IMMT: variants seen among roughly 807,000 people sequenced by gnomAD.
IMMT encodes the protein MICOS complex subunit MIC60.
Under a neutral mutation model 92.7 loss-of-function variants are expected in IMMT, and 40 were observed. The observed-to-expected ratio is 0.43, with a 90% CI of 0.34 to 0.56. IMMT has a LOEUF of 0.56. IMMT is among the 20% of genes least tolerant of loss of function. The pLI is 0.03. For missense variants in IMMT, 831 were observed against 912.1 expected (o/e 0.91, Z 1.14); for synonymous variants, 322 against 336.1 (o/e 0.96, Z 0.46).
Position 86,190,187 on chromosome 2 carries a change from G to A in IMMT, c.45+5151C>T, listed in dbSNP as rs1236402813. Among the ~76,000 whole-genome samples the A allele has an allele frequency of 3.9e-5, 6 of 152,280 alleles. No homozygotes were observed. In the East Asian group the frequency reaches 5.8e-4, roughly 15 times the overall value. ...CATGGGTAGAAGCAAACACCTGGCC[G>A]CATGATCTACTAAACTACTTTCTAG... On this transcript the variant is annotated intron_variant, in intron 1 of 14. Transcript: ENST00000410111.
intron 1 of IMMT, among the ~76,000 whole-genome samples, chr2:86,185,538 T>C (rs1275766991): frequency 1.3e-5 from 2 of 152,120 alleles, no homozygotes; most frequent in African/African-American, 2.4e-5. Context: ...CCAGATTCTA[T>C]TGAATCAATA....
At chr2:86,189,861 T>G (rs1378725930) in intron 1 of IMMT, among the ~76,000 whole-genome samples, 1 of 152,218 alleles carries the variant, frequency 6.6e-6, no homozygotes. Context: ...AAAAATCCAG[T>G]AAGTTTTTAC....
chr2:86,167,723 C>G lies in IMMT; in HGVS notation c.656-1079G>C, dbSNP rs182248632. ...GGTCTCGATCTCCTGACCTCGTGAT[C>G]CATCCACCTCAGCCTCTCAAAGTGC... On this transcript the variant is annotated intron_variant, in intron 6 of 14. Coordinates refer to ENST00000410111, the MANE Select transcript of IMMT (RefSeq NM_006839.3). 5.0e-3 allele frequency among the ~76,000 whole-genome samples: 759 copies of G among 152,028 alleles called. 6 individuals are homozygous for G. The highest frequency in any genetic ancestry group is 0.017 in the African/African-American group (719 of 41,460).
chr2:86,153,265 T>G (rs980125459), intron 11 of IMMT, among the ~76,000 whole-genome samples: 1 of 151,156 alleles, frequency 6.6e-6, no homozygotes, highest in African/African-American at 2.4e-5. Flanking sequence ...TACTTTTTAA[T>G]GTTTGAAATT....
chr2:86,160,807 G>T (rs1239268041), intron 8 of IMMT, among the ~76,000 whole-genome samples: 1 of 152,220 alleles, frequency 6.6e-6, no homozygotes, highest in Non-Finnish European at 1.5e-5. Flanking sequence ...CAGACAGATT[G>T]TGACATACTT....
intron 1 of IMMT, among the ~76,000 whole-genome samples, chr2:86,188,403 A>G (rs980007039): frequency 4.6e-5 from 7 of 151,910 alleles, no homozygotes; most frequent in African/African-American, 1.7e-4. Context: ...ACACACGCGC[A>G]CACACACACG....
chr2:86,160,536 A>G (rs58599175), intron 8 of IMMT, among the ~76,000 whole-genome samples: 1,736 of 152,326 alleles, frequency 0.011, 33 homozygotes, highest in African/African-American at 0.039. Context: ...AATGCCTTAA[A>G]TCTCCTAAAA....
intron 1 of IMMT, chr2:86,194,965 A>G (rs1463994782): frequency 1.2e-5 from 3 of 249,380 alleles, no homozygotes; most frequent in East Asian, 1.6e-4. Context: ...GCTCGTCCTG[A>G]CGGGAACTGT....
rs1046920599 is a variant in IMMT, at chr2:86,192,297, T to G, written c.45+3041A>C. The stretch of plus-strand genomic sequence containing the variant: ...GAGAATCTGAATATATAATCAGAGG[T>G]TTGAAAATCTATGGGATGTTTAAAG... On this transcript the variant is annotated intron_variant, in intron 1 of 14. Coordinates refer to ENST00000410111, the MANE Select transcript of IMMT (RefSeq NM_006839.3). 1.8e-4 allele frequency among the ~76,000 whole-genome samples: 27 copies of G among 151,940 alleles called. 1 individual carries two copies. The highest frequency in any genetic ancestry group is 5.6e-4 in the African/African-American group (23 of 41,348).
At chr2:86,193,504 TAG>T (rs564910694) in intron 1 of IMMT, among the ~76,000 whole-genome samples, 108 of 152,108 alleles carry the variant, frequency 7.1e-4, no homozygotes, top group African/African-American at 2.5e-3. Context: ...ACGACGAGGC[TAG>T]AGAGTCACCT....
At chr2:86,169,164 C>T (rs1676922235) in intron 6 of IMMT, among the ~76,000 whole-genome samples, 1 of 152,030 alleles carries the variant, frequency 6.6e-6, no homozygotes, top group South Asian at 2.1e-4. Context: ...ATGAGAGGAA[C>T]CAGGCAAGGA....
intron 11 of IMMT, 41 bp downstream of exon 11, chr2:86,153,518 CA>C: frequency 7.8e-7 from 1 of 1,274,632 alleles, no homozygotes; most frequent in Non-Finnish European, 1.1e-6. Context: ...TCTTAATACC[CA>C]AAACAAAAGA....
intron 1 of IMMT, among the ~76,000 whole-genome samples, chr2:86,183,814 A>T (rs1028339180): frequency 6.6e-6 from 1 of 152,216 alleles, no homozygotes; most frequent in African/African-American, 2.4e-5. Context: ...TATATTTTAA[A>T]TCACTGTATA....
At chr2:86,167,087 G>C (rs1394521976) in intron 6 of IMMT, among the ~76,000 whole-genome samples, 1 of 142,796 alleles carries the variant, frequency 7.0e-6, no homozygotes, top group Admixed American at 7.0e-5. Context: ...GACAGAGCGA[G>C]ACTCTCTCAA....
intron 1 of IMMT, 140 bp downstream of exon 1, chr2:86,195,198 C>T (rs1487287025): frequency 2.2e-6 from 2 of 900,744 alleles, no homozygotes; most frequent in Non-Finnish European, 3.2e-6. Context: ...GCCTAGCTGC[C>T]CGCCCGGGCC....
At chr2:86,156,210 G>A (rs1675844651) in intron 10 of IMMT, among the ~76,000 whole-genome samples, 1 of 152,146 alleles carries the variant, frequency 6.6e-6, no homozygotes, top group Non-Finnish European at 1.5e-5. Flanking sequence ...TACAGTTGCG[G>A]CAAACAAAAA....
chr2:86,153,428 A>T, intron 11 of IMMT, 132 bp downstream of exon 11: 1 of 523,096 alleles, frequency 1.9e-6, no homozygotes, highest in Non-Finnish European at 3.4e-6. Flanking sequence ...ATTCAGATTT[A>T]TCATGTGACA....
rs907573486 is a variant in IMMT at position 86,144,048 on chromosome 2, A to G, written c.*220T>C. On this transcript the variant is annotated 3_prime_UTR_variant, in exon 15 of 15. Coordinates refer to ENST00000410111, the MANE Select transcript of IMMT (RefSeq NM_006839.3). ...AGCCTCATCAGTAAAACCTGAAAAA[A>G]CAGAAAATGTTACACAAGTTGCAAA... is the stretch of plus-strand genomic sequence containing the variant. 6.7e-6 allele frequency: 4 copies of G among 601,018 alleles called. No homozygotes were observed. In the African/African-American group the frequency reaches 7.4e-5, roughly 11 times the overall value. 37.2% of individuals were successfully genotyped at this position (601,018 alleles called of 1,614,324 possible).
chr2:86,159,411 A>T (rs1676103819), intron 9 of IMMT, 125 bp downstream of exon 9: 3 of 876,062 alleles, frequency 3.4e-6, no homozygotes, highest in Middle Eastern at 2.1e-4. Flanking sequence ...AACAGTAACA[A>T]CGAATACACT....
Sources: gnomAD v4.1 joint callset for allele counts (sites outside exome capture counted in the v4.1 genomes callset) on GRCh38, gnomAD v4.1.1 for gene constraint, MANE v1.5 for transcripts, NCBI Gene and HGNC (gene_info 2026-07-23, HGNC 2026-07-21) for gene names.